Variants in PKD1L3 observed in about 807,000 individuals in gnomAD.
PKD1L3 encodes polycystin 1 like 3, transient receptor potential channel interacting, also known as polycystin-1-like protein 3.
Under a neutral mutation model 184.1 loss-of-function variants are expected in PKD1L3, and 239 were observed. That is an observed-to-expected ratio of 1.30 (90% CI 1.17 to 1.45). The LOEUF (loss-of-function observed/expected upper bound fraction) is 1.45. PKD1L3 is among the 40% of genes most tolerant of loss of function. PKD1L3 has a pLI of 0.00. For synonymous variants in PKD1L3, 996 were observed against 778.8 expected (o/e 1.28, Z -4.64); for missense variants, 2,660 against 2,067.2 (o/e 1.29, Z -5.56).
At chr16:71,997,537 T>C (rs771789286) in intron 2 of PKD1L3, among the ~76,000 whole-genome samples, 1 of 151,814 alleles carries the variant, frequency 6.6e-6, no homozygotes, top group African/African-American at 2.4e-5. Flanking sequence ...TCATCTGAGG[T>C]TGGGAGTTCG....
chr16:71,948,528 A>G (rs1170371907), intron 21 of PKD1L3, among the ~76,000 whole-genome samples: 1 of 152,044 alleles, frequency 6.6e-6, no homozygotes, highest in Non-Finnish European at 1.5e-5. Flanking sequence ...GCCACTATGG[A>G]TTTTCTTGAG....
chr16:71,978,605 C>T (rs959749150), intron 9 of PKD1L3, among the ~76,000 whole-genome samples: 1 of 148,212 alleles, frequency 6.7e-6, no homozygotes. Flanking sequence ...AGTGGCACAA[C>T]CTCAGCTCAC....
Position 71,993,284 on chromosome 16 carries a change from G to C in PKD1L3, c.467C>G (p.Ser156Cys). The C allele has an allele frequency of 1.3e-6, 2 of 1,549,528 alleles. No individual in the cohort carries two copies. The highest frequency in any genetic ancestry group is 8.7e-7 in the Non-Finnish European group (1 of 1,146,270). The change falls in exon 3 of 30, where the codon TCC becomes TGC. Residue 156 changes from serine to cysteine, a missense_variant. Ser to Cys is a moderately radical substitution (Grantham distance 112). Transcript: ENST00000620267. ...DAHYERNGNN[S>C]HLYQRHKKTK... Reference sequence around the variant, plus strand: ...CTTCTTGTGTCTCTGGTACAAATGGGAATTATTTCCATTTCTTTCATAATG... The same window carrying C: ...CTTCTTGTGTCTCTGGTACAAATGGCAATTATTTCCATTTCTTTCATAATG...
chr16:71,941,058 G>C (rs1470172395), intron 24 of PKD1L3, among the ~76,000 whole-genome samples: 3 of 150,946 alleles, frequency 2.0e-5, no homozygotes, highest in Admixed American at 6.6e-5. Flanking sequence ...GGCTGGTCTC[G>C]AACTCCTGGG....
Position 71,999,088 on chromosome 16 carries a change from A to G in PKD1L3, c.295+596T>C, listed in dbSNP as rs376153589. Among the ~76,000 whole-genome samples, 54 of 151,968 alleles carry G rather than the reference A, an allele frequency of 3.6e-4. 2 individuals carry two copies. The highest frequency in any genetic ancestry group is 1.4e-3 in the East Asian group (7 of 5,122). The stretch of plus-strand genomic sequence containing the variant: ...AGATCAAGACCATCCTGGCTAACAC[A>G]GTGAAACCCCGTCTCTACTAAAAAT... On this transcript the variant is annotated intron_variant, in intron 1 of 29. Coordinates refer to ENST00000620267, the MANE Select transcript of PKD1L3 (RefSeq NM_181536.2).
chr16:71,974,084 G>A (rs1323063170), intron 11 of PKD1L3, among the ~76,000 whole-genome samples: 2 of 152,058 alleles, frequency 1.3e-5, no homozygotes, highest in South Asian at 2.1e-4. Flanking sequence ...GTATTACGAG[G>A]TTTAGAAAAA....
At chr16:71,951,100 C>T (rs1357195817) in intron 19 of PKD1L3, among the ~76,000 whole-genome samples, 2 of 151,622 alleles carry the variant, frequency 1.3e-5, no homozygotes, top group East Asian at 3.9e-4. Context: ...AGTGTAGTGG[C>T]GCGATCTCAG....
In PKD1L3 at chr16:71,986,478, TA is replaced by T. The variant is rs1456805727; in HGVS notation, c.586-10del. ...TGACACAGGGTCTTGGACTAAAAGATAAAAATATGTAAAGGAAAAGACTGAA... is the reference window on the plus strand; with the variant it reads ...TGACACAGGGTCTTGGACTAAAAGATAAAATATGTAAAGGAAAAGACTGAA... On this transcript the variant is annotated splice_polypyrimidine_tract_variant and intron_variant, in intron 4 of 29. Coordinates refer to ENST00000620267, the MANE Select transcript of PKD1L3 (RefSeq NM_181536.2). The T allele has an allele frequency of 7.1e-6, 11 of 1,543,482 alleles. No individual in the cohort carries two copies. The highest frequency in any genetic ancestry group is 1.4e-5 in the African/African-American group (1 of 72,680).
In PKD1L3 at chr16:71,942,769, G is replaced by A. The variant is rs148675580; in HGVS notation, c.4115C>T (p.Thr1372Ile). The A allele has an allele frequency of 1.9e-5, 29 of 1,551,686 alleles. No individual in the cohort carries two copies. The African/African-American group carries it at 3.0e-4, about 16-fold the overall frequency. Reference sequence around the variant, plus strand: ...TTCGTCCACTTTCTCATAGGTCTTGGTACGGGGTATTTGGAAAATTAATTG... The same window carrying A: ...TTCGTCCACTTTCTCATAGGTCTTGATACGGGGTATTTGGAAAATTAATTG... ...GVQLIFQIPR[T>I]KTYEKVDEGQ... Residue 1372 changes from threonine to isoleucine, a missense_variant, in exon 24 of 30, where the codon ACC (threonine) becomes ATC (isoleucine). By Grantham distance (89) the Thr-to-Ile change is moderately conservative. Transcript: ENST00000620267.
intron 11 of PKD1L3, among the ~76,000 whole-genome samples, chr16:71,975,942 C>CA (rs1267126494): frequency 2.9e-5 from 4 of 139,274 alleles, no homozygotes; most frequent in Non-Finnish European, 6.1e-5. Flanking sequence ...GAGAGGTATA[C>CA]AAGCTGTTTC....
At chr16:71,981,421 C>G (rs1351757235) in intron 7 of PKD1L3, among the ~76,000 whole-genome samples, 2 of 151,638 alleles carry the variant, frequency 1.3e-5, no homozygotes, top group Non-Finnish European at 2.9e-5. Context: ...AGTGGTATCT[C>G]ATTTTAGTTT....
intron 29 of PKD1L3, 52 bp downstream of exon 29, chr16:71,930,000 G>A (rs2037872315): frequency 2.0e-6 from 3 of 1,508,220 alleles, no homozygotes; most frequent in Non-Finnish European, 2.7e-6. Flanking sequence ...CAGTTACAGT[G>A]GAGCTTTCCC....
intron 24 of PKD1L3, among the ~76,000 whole-genome samples, chr16:71,940,753 G>A (rs1023027753): frequency 6.6e-6 from 1 of 152,096 alleles, no homozygotes; most frequent in African/African-American, 2.4e-5. Context: ...GCCTGCCTCG[G>A]CCTCCCAAAG....
chr16:71,990,930 G>A (rs1020041438), intron 3 of PKD1L3, among the ~76,000 whole-genome samples: 3 of 152,004 alleles, frequency 2.0e-5, no homozygotes, highest in Non-Finnish European at 4.4e-5. Context: ...TTAATAGAAC[G>A]AAAAAGGTTA....
chr16:71,935,045 G>T (rs536568098), intron 26 of PKD1L3, among the ~76,000 whole-genome samples: 1 of 152,234 alleles, frequency 6.6e-6, no homozygotes. Flanking sequence ...ATTATTTGTC[G>T]TGCGTTAGGC....
At chr16:71,933,612 T>G (rs1597274599) in intron 27 of PKD1L3, 91 bp from the exon 28 acceptor site, 1 of 971,484 alleles carries the variant, frequency 1.0e-6, no homozygotes, top group East Asian at 2.6e-5. Flanking sequence ...ATAGAAGCAA[T>G]GGAACAGAAA....
At chr16:71,989,448 C>G (rs1451015987) in intron 4 of PKD1L3, among the ~76,000 whole-genome samples, 1 of 152,262 alleles carries the variant, frequency 6.6e-6, no homozygotes, top group East Asian at 1.9e-4. Flanking sequence ...CCACCGTGCC[C>G]AGCCTCTGTT....
chr16:71,999,175 G>T (rs1308180981), intron 1 of PKD1L3, among the ~76,000 whole-genome samples: 1 of 151,510 alleles, frequency 6.6e-6, no homozygotes, highest in Non-Finnish European at 1.5e-5. Flanking sequence ...GGAGGTTGAG[G>T]CAGGAGAATG....
chr16:71,984,141 G>A lies in PKD1L3; in HGVS notation c.861C>T (p.Phe287=). ...CTTGCAAACCATGAACTGCTCTGCT[G>A]AAGTTCCCTGCTATCTCATCTATGA... is the stretch of plus-strand genomic sequence containing the variant. ...GQVIDEIAGN[F]SRAVHGLQAL... is the part of the protein sequence containing the mutation. Residue 287 remains phenylalanine, a synonymous_variant, in exon 6 of 30, where the codon TTC becomes TTT. Coordinates refer to ENST00000620267, the MANE Select transcript of PKD1L3 (RefSeq NM_181536.2). 2 of 1,551,736 alleles carry A rather than the reference G, an allele frequency of 1.3e-6. No individual in the cohort carries two copies. The highest frequency in any genetic ancestry group is 1.7e-6 in the Non-Finnish European group (2 of 1,146,906).
Sources: allele counts gnomAD v4.1 joint callset (sites outside exome capture counted in the v4.1 genomes callset), GRCh38; gene constraint gnomAD v4.1.1; transcripts MANE v1.5; gene names NCBI Gene and HGNC (gene_info 2026-07-23, HGNC 2026-07-21).